The following CHLSN variants were observed in gnomAD, a reference collection of about 807,000 sequenced individuals.
CHLSN encodes protein cholesin.
chr7:1,070,955 C>G, the CHLSN span, among the ~76,000 whole-genome samples: 10 of 145,000 alleles, frequency 6.9e-5, no homozygotes, highest in African/African-American at 2.2e-4. Flanking sequence ...ACACACACAG[C>G]ACAGACACGC....
the CHLSN span, among the ~76,000 whole-genome samples, chr7:1,011,118 CA>C: frequency 6.7e-6 from 1 of 150,276 alleles, no homozygotes; most frequent in South Asian, 2.1e-4. Context: ...CAGCCAAACA[CA>C]GCCCCCAACC....
At chr7:1,047,655 G>C in the CHLSN span, among the ~76,000 whole-genome samples, 3 of 152,278 alleles carry the variant, frequency 2.0e-5, no homozygotes, top group Admixed American at 6.5e-5. Flanking sequence ...AGCGTCTCAT[G>C]GTGCATGGCA....
At chr7:1,096,724 C>T in the CHLSN span, among the ~76,000 whole-genome samples, 1 of 152,214 alleles carries the variant, frequency 6.6e-6, no homozygotes, top group Non-Finnish European at 1.5e-5. The surrounding 1 kb of genome is among the most constrained non-coding windows in gnomAD (Gnocchi z 4.6). Context: ...TGAACGTGAC[C>T]TCCTCGTTCT....
chr7:1,010,658 A>G, the CHLSN span, among the ~76,000 whole-genome samples: 1 of 152,130 alleles, frequency 6.6e-6, no homozygotes, highest in Non-Finnish European at 1.5e-5. Context: ...GGAGGGGGCC[A>G]AGACCCCCAA....
the CHLSN span, among the ~76,000 whole-genome samples, chr7:1,031,956 G>C: frequency 7.8e-3 from 1,170 of 150,376 alleles, 53 homozygotes; most frequent in East Asian, 0.12. Context: ...GAGGGGGTGA[G>C]AGCAACCTGG....
chr7:1,018,917 C>T, the CHLSN span, among the ~76,000 whole-genome samples: 1 of 152,188 alleles, frequency 6.6e-6, no homozygotes, highest in Non-Finnish European at 1.5e-5. Context: ...AGTGCAGGAA[C>T]TGCAGACTTG....
the CHLSN span, among the ~76,000 whole-genome samples, chr7:1,000,930 A>G: frequency 3.2e-4 from 49 of 152,336 alleles, no homozygotes; most frequent in African/African-American, 1.0e-3. Context: ...TATTTTCTAC[A>G]TGAAAATGGG....
the CHLSN span, among the ~76,000 whole-genome samples, chr7:979,683 C>T: frequency 2.0e-5 from 3 of 150,962 alleles, no homozygotes; most frequent in Admixed American, 1.3e-4. Flanking sequence ...ACCTGGGAGG[C>T]GGAGGTTGCA....
At chr7:1,019,504 C>T in the CHLSN span, among the ~76,000 whole-genome samples, 305 of 152,300 alleles carry the variant, frequency 2.0e-3, 2 homozygotes, top group African/African-American at 7.0e-3. Flanking sequence ...GGCAGAAATG[C>T]GGAGCGGGGT....
chr7:1,000,480 T>C, the CHLSN span: 1 of 1,605,146 alleles, frequency 6.2e-7, no homozygotes, highest in Non-Finnish European at 8.5e-7. Flanking sequence ...CTTGTCACTG[T>C]CATACATGTG....
At chr7:1,026,818 ACGTG>A in the CHLSN span, 1 of 152,290 alleles carries the variant, frequency 6.6e-6, no homozygotes, top group Admixed American at 6.5e-5. Context: ...GAACAAAGCT[ACGTG>A]GATTTTCCAG....
the CHLSN span, chr7:988,597 C>G: frequency 2.5e-6 from 4 of 1,601,836 alleles, no homozygotes; most frequent in Non-Finnish European, 3.4e-6. Flanking sequence ...AGGAGCAGGC[C>G]TGGTGCAGCC....
the CHLSN span, among the ~76,000 whole-genome samples, chr7:1,069,408 G>T: frequency 6.7e-6 from 1 of 148,444 alleles, no homozygotes; most frequent in East Asian, 2.0e-4. Flanking sequence ...CTCTCATGCG[G>T]AGCCGAAGCT....
At chr7:1,051,777 T>C in the CHLSN span, among the ~76,000 whole-genome samples, 3 of 152,194 alleles carry the variant, frequency 2.0e-5, no homozygotes, top group Admixed American at 2.0e-4. Context: ...AGTTTGAGAC[T>C]AGCCTGGGCA....
At chr7:1,086,716 C>G in the CHLSN span, 3 of 153,254 alleles carry the variant, frequency 2.0e-5, no homozygotes, top group Non-Finnish European at 4.4e-5. Flanking sequence ...CCCAGCACCC[C>G]AGTCCTCTGC....
the CHLSN span, among the ~76,000 whole-genome samples, chr7:1,110,154 G>C: frequency 2.6e-5 from 4 of 152,156 alleles, no homozygotes; most frequent in African/African-American, 9.6e-5. Context: ...CTCAGTCCGT[G>C]GAAGAGCTCT....
the CHLSN span, among the ~76,000 whole-genome samples, chr7:1,094,990 G>A: frequency 1.4e-4 from 21 of 152,168 alleles, no homozygotes; most frequent in African/African-American, 2.9e-4. Flanking sequence ...AACAGGTCTC[G>A]TGGAAGTGGA....
chr7:1,003,940 G>A, the CHLSN span, among the ~76,000 whole-genome samples: 2 of 65,216 alleles, frequency 3.1e-5, no homozygotes, highest in African/African-American at 1.8e-4. Context: ...CCTGTGGGTG[G>A]GGAGTCCTGT....
chr7:1,078,882 G>C, the CHLSN span, among the ~76,000 whole-genome samples: 2 of 152,382 alleles, frequency 1.3e-5, no homozygotes, highest in African/African-American at 4.8e-5. Context: ...TCAAGCCCCA[G>C]CTCAGCCTTC....
Sources: gnomAD v4.1 joint callset for allele counts (sites outside exome capture counted in the v4.1 genomes callset) on GRCh38, gnomAD v4.1.1 for gene constraint, Gnocchi (gnomAD v3.1) non-coding constraint, MANE v1.5 for transcripts, NCBI Gene and HGNC (gene_info 2026-07-23, HGNC 2026-07-21) for gene names.